CTNND2: variants seen among roughly 807,000 people sequenced by gnomAD.
CTNND2 encodes catenin delta 2, also known as catenin delta-2.
CTNND2 carries 22 observed loss-of-function variants against 144.4 expected under a neutral mutation model. That is an observed-to-expected ratio of 0.15 (90% CI 0.11 to 0.22). The LOEUF is 0.22. CTNND2 is among the 10% of genes least tolerant of loss of function. The probability of loss-of-function intolerance (pLI) is 1.00; values close to 1 mark genes in which losing one functional copy is unlikely to be tolerated. For synonymous variants in CTNND2, 751 were observed against 695.6 expected, an observed-to-expected ratio of 1.08 and a Z score of -1.25; for missense variants, 1,353 against 1,618.8, an observed-to-expected ratio of 0.84 and a Z score of 2.82.
intron 18 of CTNND2, among the ~76,000 whole-genome samples, chr5:10,995,214 A>AAGGCAG (rs1739209758): frequency 6.6e-6 from 1 of 152,224 alleles, no homozygotes; most frequent in South Asian, 2.1e-4. Context: ...AGAAAAGCAG[A>AAGGCAG]AGGCAGAGGC....
intron 1 of CTNND2, among the ~76,000 whole-genome samples, chr5:11,894,255 C>T (rs1214308901): frequency 6.6e-6 from 1 of 151,634 alleles, no homozygotes; most frequent in Non-Finnish European, 1.5e-5. Context: ...TCTTGAAGGA[C>T]AATAGGGCTT....
chr5:11,518,703 C>A (rs1772430663), intron 3 of CTNND2, among the ~76,000 whole-genome samples: 1 of 152,054 alleles, frequency 6.6e-6, no homozygotes, highest in African/African-American at 2.4e-5. Context: ...AACTACTTAC[C>A]ATTGTGTTAC....
rs574786306 is a variant in CTNND2 at position 11,632,690 on chromosome 5, C to T, written c.175-67634G>A. 5.2e-4 allele frequency among the ~76,000 whole-genome samples: 79 copies of T among 152,222 alleles called. 3 individuals are homozygous for T. In the South Asian group the frequency reaches 0.016, roughly 31 times the overall value. ...ATTTAGGAGATGGAAGATTTCAAAG[C>T]AGCTATTTTAAATATGTTCCAAGAA... On this transcript the variant is annotated intron_variant, in intron 2 of 21. Transcript: ENST00000304623.
At chr5:11,201,288 G>T (rs1194304609) in intron 10 of CTNND2, among the ~76,000 whole-genome samples, 2 of 152,148 alleles carry the variant, frequency 1.3e-5, no homozygotes, top group African/African-American at 4.8e-5. Context: ...CAAATGAATG[G>T]AGAGGGTTAA....
intron 3 of CTNND2, among the ~76,000 whole-genome samples, chr5:11,470,078 T>A (rs963595479): frequency 2.0e-5 from 3 of 152,116 alleles, no homozygotes. Context: ...CCAACTCCAC[T>A]CTCGCCCCCT....
intron 1 of CTNND2, among the ~76,000 whole-genome samples, chr5:11,820,810 A>C (rs1489170507): frequency 6.6e-6 from 1 of 152,222 alleles, no homozygotes; most frequent in Non-Finnish European, 1.5e-5. Flanking sequence ...GGGTTTTAAA[A>C]GGTGCTTGTG....
At chr5:11,094,204 G>C (rs138499670) in intron 15 of CTNND2, among the ~76,000 whole-genome samples, 22 of 152,158 alleles carry the variant, frequency 1.4e-4, no homozygotes, top group Admixed American at 7.2e-4. Flanking sequence ...CATCCTAAGA[G>C]GCAAAATCCT....
chr5:11,198,629 A>C (rs1580562550), intron 11 of CTNND2, among the ~76,000 whole-genome samples: 1 of 152,252 alleles, frequency 6.6e-6, no homozygotes, highest in Admixed American at 6.5e-5. Flanking sequence ...CATTTGCTAA[A>C]TACTTGCTGA....
At chr5:11,566,736 G>A (rs961062953) in intron 2 of CTNND2, among the ~76,000 whole-genome samples, 1 of 152,206 alleles carries the variant, frequency 6.6e-6, no homozygotes, top group Non-Finnish European at 1.5e-5. Context: ...CGCTAGGACG[G>A]ATGTTGCTCT....
At chr5:11,779,623 TCTC>T (rs984848225) in intron 1 of CTNND2, among the ~76,000 whole-genome samples, 1 of 152,166 alleles carries the variant, frequency 6.6e-6, no homozygotes, top group Admixed American at 6.5e-5. Context: ...TATTACAGCT[TCTC>T]CTGCACTTCA....
intron 3 of CTNND2, among the ~76,000 whole-genome samples, chr5:11,549,876 C>T (rs1482597245): frequency 6.6e-6 from 1 of 152,082 alleles, no homozygotes; most frequent in African/African-American, 2.4e-5. Flanking sequence ...TTGGCAATAG[C>T]TACAATACTT....
At chr5:11,446,422 AGCAATG>A (rs1764804010) in intron 3 of CTNND2, among the ~76,000 whole-genome samples, 2 of 152,114 alleles carry the variant, frequency 1.3e-5, no homozygotes. Flanking sequence ...ACATTCTCTG[AGCAATG>A]GCATGTGGGT....
intron 14 of CTNND2, among the ~76,000 whole-genome samples, chr5:11,100,053 T>C (rs1201805913): frequency 1.3e-5 from 2 of 152,226 alleles, no homozygotes; most frequent in African/African-American, 2.4e-5. Context: ...AGTTCCTTAA[T>C]TCTGAAAGTT....
rs140834229 is a variant in CTNND2 at position 11,163,569 on chromosome 5, C to G, written c.1976-3810G>C. ...TCCTTTCCTATGAAGCTCCCACTCTCTCTGTTGCTTTCTTCTCTCTGCTTC... is the reference window on the plus strand; with the variant it reads ...TCCTTTCCTATGAAGCTCCCACTCTGTCTGTTGCTTTCTTCTCTCTGCTTC... On this transcript the variant is annotated intron_variant, in intron 11 of 21. Coordinates refer to ENST00000304623, the MANE Select transcript of CTNND2 (RefSeq NM_001332.4). 2.5e-3 allele frequency among the ~76,000 whole-genome samples: 387 copies of G among 152,294 alleles called. 2 individuals carry two copies. Among genetic ancestry groups the G allele is most frequent in the Non-Finnish European group, 3.8e-3 (260 of 68,026 alleles).
intron 12 of CTNND2, among the ~76,000 whole-genome samples, chr5:11,150,549 G>T (rs773120382): frequency 2.7e-5 from 4 of 150,404 alleles, no homozygotes; most frequent in Non-Finnish European, 5.9e-5. Context: ...GTGCAGCACA[G>T]ATAGCATCCA....
intron 2 of CTNND2, among the ~76,000 whole-genome samples, chr5:11,713,398 G>A (rs1269467485): frequency 6.6e-6 from 1 of 151,818 alleles, no homozygotes; most frequent in Non-Finnish European, 1.5e-5. Flanking sequence ...GATCAACATG[G>A]TGAAACCCCA....
At chr5:11,716,345 T>C (rs1786351074) in intron 2 of CTNND2, among the ~76,000 whole-genome samples, 1 of 152,236 alleles carries the variant, frequency 6.6e-6, no homozygotes, top group Non-Finnish European at 1.5e-5. Context: ...AAAGGATAAA[T>C]GTAACTTCTC....
rs566987378 is a variant in CTNND2, at chr5:11,623,804, G to A, written c.175-58748C>T. Among the ~76,000 whole-genome samples, 238 of 30,572 alleles carry A rather than the reference G, an allele frequency of 7.8e-3. 6 individuals carry two copies. The highest frequency in any genetic ancestry group is 0.024 in the African/African-American group (170 of 7,078). The allele number at this position is 30,572 out of a possible 152,430, so 20.1% of individuals were successfully genotyped here. A position where few individuals can be genotyped will look rare whatever the true frequency, so the allele number is the denominator to read the frequency against. ...AACTATCGTAAATATATATATGTGT[G>A]TATGTATATATATATATATATATAT... On this transcript the variant is annotated intron_variant, in intron 2 of 21. Coordinates refer to ENST00000304623, the MANE Select transcript of CTNND2 (RefSeq NM_001332.4).
rs537415857 is a variant in CTNND2, at chr5:11,178,363, T to C, written c.1976-18604A>G. On this transcript the variant is annotated intron_variant, in intron 11 of 21. Transcript: ENST00000304623. Reference sequence around the variant, plus strand: ...GGAATGCAGCTCAATGTGGGGAAAATTGGAATATAGTTTCCACCAAATTAG... The same window carrying C: ...GGAATGCAGCTCAATGTGGGGAAAACTGGAATATAGTTTCCACCAAATTAG... Among the ~76,000 whole-genome samples, 49 of 152,280 alleles carry C rather than the reference T, an allele frequency of 3.2e-4. 1 individual carries two copies. The South Asian group carries it at 8.9e-3, about 28-fold the overall frequency.
Sources: gnomAD v4.1 joint callset for allele counts (sites outside exome capture counted in the v4.1 genomes callset) on GRCh38, gnomAD v4.1.1 for gene constraint, MANE v1.5 for transcripts, NCBI Gene and HGNC (gene_info 2026-07-23, HGNC 2026-07-21) for gene names.